Variants in GPC5 observed in about 807,000 individuals in gnomAD.
GPC5 encodes glypican-5.
In GPC5, 47 loss-of-function variants were observed where a neutral mutation model predicts 53.9. The ratio of observed to expected loss-of-function variants is 0.87; its 90% CI spans 0.69 to 1.11. The LOEUF (loss-of-function observed/expected upper bound fraction) is 1.11, where lower values mean the gene tolerates loss of function less well. Ranked by LOEUF, GPC5 falls within the 50% of genes most tolerant of loss-of-function variation. The pLI, the probability that GPC5 is intolerant of heterozygous loss-of-function variation, is 0.00. For missense variants in GPC5, 748 were observed against 713.1 expected, an observed-to-expected ratio of 1.05 and a Z score of -0.56; for synonymous variants, 286 against 263.3, an observed-to-expected ratio of 1.09 and a Z score of -0.84.
At chr13:92,604,494 T>A (rs1884186800) in intron 7 of GPC5, among the ~76,000 whole-genome samples, 1 of 152,190 alleles carries the variant, frequency 6.6e-6, no homozygotes, top group Non-Finnish European at 1.5e-5. Flanking sequence ...CACCTAGAAC[T>A]TTCTAAATTT....
intron 7 of GPC5, among the ~76,000 whole-genome samples, chr13:92,374,541 A>G (rs961770057): frequency 2.0e-5 from 3 of 152,062 alleles, no homozygotes; most frequent in Non-Finnish European, 4.4e-5. Context: ...TGATGAGTTC[A>G]TGTCCTTTTT....
chr13:92,465,713 C>T (rs1416597948), intron 7 of GPC5, among the ~76,000 whole-genome samples: 1 of 151,826 alleles, frequency 6.6e-6, no homozygotes, highest in African/African-American at 2.4e-5. Flanking sequence ...GATTTCATTT[C>T]AGCATTTGAA....
At chr13:92,403,207 G>A (rs1239680175) in intron 7 of GPC5, among the ~76,000 whole-genome samples, 1 of 152,140 alleles carries the variant, frequency 6.6e-6, no homozygotes, top group Non-Finnish European at 1.5e-5. Flanking sequence ...TATTAATGGT[G>A]GATGTTTAAG....
chr13:92,197,921 G>A (rs566215178), intron 7 of GPC5, among the ~76,000 whole-genome samples: 4 of 151,990 alleles, frequency 2.6e-5, no homozygotes, highest in African/African-American at 4.8e-5. Context: ...CATGCCAACA[G>A]TAGTACATTG....
intron 6 of GPC5, among the ~76,000 whole-genome samples, chr13:91,997,311 A>T (rs914907249): frequency 6.6e-6 from 1 of 152,144 alleles, no homozygotes; most frequent in African/African-American, 2.4e-5. Context: ...AAAGTGGAGC[A>T]CTTCCTCACA....
intron 5 of GPC5, among the ~76,000 whole-genome samples, chr13:91,829,114 A>G (rs747354388): frequency 2.0e-5 from 3 of 152,048 alleles, no homozygotes; most frequent in Non-Finnish European, 4.4e-5. Flanking sequence ...TTAAAATGAC[A>G]CCATGTGCCT....
intron 6 of GPC5, among the ~76,000 whole-genome samples, chr13:92,000,133 A>G (rs1594715754): frequency 3.9e-5 from 6 of 152,300 alleles, no homozygotes; most frequent in African/African-American, 1.4e-4. Context: ...AATCTGGGAG[A>G]TACCTGCTTG....
intron 4 of GPC5, among the ~76,000 whole-genome samples, chr13:91,745,661 TCA>T (rs2037033360): frequency 6.6e-6 from 1 of 152,144 alleles, no homozygotes; most frequent in African/African-American, 2.4e-5. Flanking sequence ...TATCTTTACG[TCA>T]CAGTTTCTGT....
chr13:92,433,419 T>C (rs1443207256), intron 7 of GPC5, among the ~76,000 whole-genome samples: 2 of 152,146 alleles, frequency 1.3e-5, no homozygotes, highest in Admixed American at 6.6e-5. Context: ...TCTAATGAGA[T>C]GTGAAATGTG....
intron 4 of GPC5, among the ~76,000 whole-genome samples, chr13:91,740,318 A>G (rs1016335665): frequency 2.0e-5 from 3 of 151,996 alleles, no homozygotes; most frequent in African/African-American, 4.8e-5. Flanking sequence ...CAAGTTCCTA[A>G]CCATTTTTTT....
intron 7 of GPC5, among the ~76,000 whole-genome samples, chr13:92,811,640 T>C (rs1877302592): frequency 6.6e-6 from 1 of 151,990 alleles, no homozygotes; most frequent in Admixed American, 6.5e-5. Context: ...TATTACTTTT[T>C]CTTTTCTGTG....
intron 7 of GPC5, among the ~76,000 whole-genome samples, chr13:92,667,335 T>A (rs903008134): frequency 2.6e-5 from 4 of 151,986 alleles, no homozygotes; most frequent in African/African-American, 9.7e-5. Flanking sequence ...CAGAGAGTGC[T>A]TGGAAAATAA....
At chr13:92,089,092 G>A (rs1054789833) in intron 6 of GPC5, among the ~76,000 whole-genome samples, 7 of 152,026 alleles carry the variant, frequency 4.6e-5, no homozygotes, top group Admixed American at 2.0e-4. Context: ...AATCAAGTCC[G>A]GAAAAATAGA....
intron 1 of GPC5, among the ~76,000 whole-genome samples, chr13:91,434,277 A>C (rs1454514323): frequency 6.6e-6 from 1 of 152,142 alleles, no homozygotes; most frequent in Non-Finnish European, 1.5e-5. Context: ...GTCCTTGCCC[A>C]TGCCTATGTC....
At chr13:91,815,798 T>G (rs1170159429) in intron 5 of GPC5, among the ~76,000 whole-genome samples, 3 of 152,184 alleles carry the variant, frequency 2.0e-5, no homozygotes, top group Admixed American at 6.5e-5. Context: ...TTTCTTGAGT[T>G]AGACATATTT....
chr13:91,706,326 GA>G (rs1427844683), intron 3 of GPC5, among the ~76,000 whole-genome samples: 1 of 151,944 alleles, frequency 6.6e-6, no homozygotes, highest in Non-Finnish European at 1.5e-5. Flanking sequence ...ATATTTGCCT[GA>G]TTGAGAAAAC....
intron 7 of GPC5, among the ~76,000 whole-genome samples, chr13:92,583,191 A>AT (rs1883426856): frequency 6.6e-6 from 1 of 152,176 alleles, no homozygotes; most frequent in South Asian, 2.1e-4. Flanking sequence ...AGCATCTATC[A>AT]TGAATGGATG....
chr13:92,704,470 C>G (rs1887874329), intron 7 of GPC5, among the ~76,000 whole-genome samples: 1 of 151,846 alleles, frequency 6.6e-6, no homozygotes. Flanking sequence ...TAGCCAAACC[C>G]TTTTGAAGAT....
chr13:92,222,024 T>C (rs1178230771), intron 7 of GPC5, among the ~76,000 whole-genome samples: 1 of 152,212 alleles, frequency 6.6e-6, no homozygotes, highest in Non-Finnish European at 1.5e-5. Context: ...ATGAGTTGGA[T>C]TCTTGACCTT....
Sources: gnomAD v4.1 joint callset for allele counts (sites outside exome capture counted in the v4.1 genomes callset) on GRCh38, gnomAD v4.1.1 for gene constraint, MANE v1.5 for transcripts, NCBI Gene and HGNC (gene_info 2026-07-23, HGNC 2026-07-21) for gene names.